The following ABCA13 variants were observed in gnomAD, a reference collection of about 807,000 sequenced individuals.
ABCA13 encodes the protein ATP binding cassette subfamily A member 13, also known as ATP-binding cassette sub-family A member 13.
A neutral mutation model predicts 478.7 loss-of-function variants in ABCA13; 476 were observed. The ratio of observed to expected loss-of-function variants is 0.99; its 90% CI spans 0.92 to 1.07. ABCA13 has a LOEUF of 1.07. Among genes scored for constraint, ABCA13 ranks in the 50% least tolerant of loss-of-function variants. The pLI is 0.00. For synonymous variants in ABCA13, 2,252 were observed against 2,158.9 expected (o/e 1.04, Z -1.20); for missense variants, 6,060 against 5,910.6 (o/e 1.03, Z -0.83).
chr7:48,613,796 G>C (rs1385169626), intron 58 of ABCA13, among the ~76,000 whole-genome samples: 2 of 148,740 alleles, frequency 1.3e-5, no homozygotes, highest in Non-Finnish European at 3.0e-5. Context: ...ATTTTCTCAT[G>C]GGAGTGATAA....
chr7:48,320,990 A>AGT (rs1803366789), intron 27 of ABCA13, among the ~76,000 whole-genome samples: 1 of 152,162 alleles, frequency 6.6e-6, no homozygotes, highest in African/African-American at 2.4e-5. Context: ...CTCCCCTACA[A>AGT]GTGTTATTCC....
At chr7:48,219,159 A>G (rs1786954770) in intron 3 of ABCA13, among the ~76,000 whole-genome samples, 195 bp from the exon 4 acceptor site, 1 of 152,200 alleles carries the variant, frequency 6.6e-6, no homozygotes, top group Non-Finnish European at 1.5e-5. Flanking sequence ...CTAATTTTAA[A>G]TTTGTGAAGA....
intron 51 of ABCA13, among the ~76,000 whole-genome samples, chr7:48,514,446 C>T (rs1171859106): frequency 1.3e-5 from 2 of 152,176 alleles, no homozygotes; most frequent in Non-Finnish European, 2.9e-5. Flanking sequence ...CAATTTGTCA[C>T]GTGCTGTTCC....
At chr7:48,495,614 C>T (rs1429887189) in intron 48 of ABCA13, among the ~76,000 whole-genome samples, 1 of 152,170 alleles carries the variant, frequency 6.6e-6, no homozygotes, top group Non-Finnish European at 1.5e-5. Flanking sequence ...TGAACCTTCA[C>T]TGAAGATCAT....
chr7:48,411,889 G>A (rs1465738091), intron 40 of ABCA13, among the ~76,000 whole-genome samples: 2 of 152,176 alleles, frequency 1.3e-5, no homozygotes, highest in Non-Finnish European at 2.9e-5. Flanking sequence ...CAAGGTTCCT[G>A]TTTGCTTCCT....
intron 20 of ABCA13, among the ~76,000 whole-genome samples, chr7:48,294,669 A>G (rs997696436): frequency 6.6e-6 from 1 of 150,572 alleles, no homozygotes; most frequent in Non-Finnish European, 1.5e-5. Context: ...GATGGTCTCG[A>G]TCTCCTGACC....
chr7:48,182,088 A>G (rs932867076), intron 1 of ABCA13, among the ~76,000 whole-genome samples: 2 of 152,104 alleles, frequency 1.3e-5, no homozygotes, highest in African/African-American at 4.8e-5. Flanking sequence ...TCCATAGAGT[A>G]CCTGCACTCA....
rs1355182323 is a variant in ABCA13, at chr7:48,467,005, A to G, written c.12865A>G (p.Arg4289Gly). The G allele has an allele frequency of 3.7e-6, 6 of 1,613,856 alleles. No individual in the cohort carries two copies. In the African/African-American group the frequency reaches 8.0e-5, roughly 22 times the overall value. ...CACCCGTGTGCTTCTGCGGAAGTTT[A>G]GAGATCAAGATTTGCCCTGTGCAGA... is the stretch of plus-strand genomic sequence containing the variant. ...DLTRVLLRKF[R>G]DQDLPCADLN... Residue 4289 changes from arginine (R) to glycine (G), a missense_variant, in exon 44 of 62, where the codon AGA (arginine) becomes GGA (glycine). Around this residue, in one of 3 missense-constraint regions of ABCA13, gnomAD observed 1,627 missense variants for 1,571.0 expected, o/e 1.04. Transcript: ENST00000435803.
chr7:48,340,708 A>C (rs1807022273), intron 29 of ABCA13, among the ~76,000 whole-genome samples: 1 of 152,206 alleles, frequency 6.6e-6, no homozygotes, highest in South Asian at 2.1e-4. Flanking sequence ...TAGAGTGTGA[A>C]TCGTACCTGA....
intron 31 of ABCA13, among the ~76,000 whole-genome samples, chr7:48,359,093 C>T (rs558148822): frequency 1.6e-4 from 25 of 152,072 alleles, no homozygotes; most frequent in East Asian, 3.9e-4. Context: ...TCAGCTCATA[C>T]GGGGTATTAA....
intron 19 of ABCA13, among the ~76,000 whole-genome samples, chr7:48,286,697 G>GT (rs1210240003): frequency 6.6e-6 from 1 of 152,044 alleles, no homozygotes; most frequent in Admixed American, 6.6e-5. Flanking sequence ...TAGAGACGGG[G>GT]TTTTACCACA....
At chr7:48,411,027 C>CTT (rs1489688324) in intron 40 of ABCA13, among the ~76,000 whole-genome samples, 1 of 115,700 alleles carries the variant, frequency 8.6e-6, no homozygotes, top group South Asian at 2.5e-4. Context: ...TTCTTTCTTT[C>CTT]TTTCTTTCTT....
chr7:48,594,587 A>G, intron 57 of ABCA13, 123 bp from the exon 58 acceptor site: 1 of 788,326 alleles, frequency 1.3e-6, no homozygotes, highest in Non-Finnish European at 2.2e-6. Flanking sequence ...CCAATTGGAG[A>G]GGTGTCTTTT....
chr7:48,520,305 A>C lies in ABCA13; in HGVS notation c.14051+11A>C. ...TCTGCGATGGCCAAGGTGGGTTCTG[A>C]AGGACTCATCCTCGAGCTGCACTTA... is the stretch of plus-strand genomic sequence containing the variant. On this transcript the variant is annotated intron_variant, in intron 53 of 61. Coordinates refer to ENST00000435803, the MANE Select transcript of ABCA13 (RefSeq NM_152701.5). The C allele has an allele frequency of 6.2e-7, 1 of 1,601,032 alleles. No individual in the cohort carries two copies. The highest frequency in any genetic ancestry group is 8.5e-7 in the Non-Finnish European group (1 of 1,171,390).
intron 20 of ABCA13, among the ~76,000 whole-genome samples, chr7:48,288,828 G>C (rs915514814): frequency 6.6e-6 from 1 of 152,098 alleles, no homozygotes; most frequent in African/African-American, 2.4e-5. Flanking sequence ...AGCTGAATCA[G>C]ACAATGTGTC....
chr7:48,436,383 T>C (rs1822832375), intron 42 of ABCA13, among the ~76,000 whole-genome samples: 1 of 151,784 alleles, frequency 6.6e-6, no homozygotes, highest in Admixed American at 6.6e-5. Context: ...CTTTTCTGAC[T>C]TCAGTTATTT....
chr7:48,585,293 G>A (rs1209631041), intron 56 of ABCA13, among the ~76,000 whole-genome samples: 1 of 152,128 alleles, frequency 6.6e-6, no homozygotes, highest in African/African-American at 2.4e-5. Context: ...CAGGAAAAAG[G>A]ATGATTCATA....
intron 49 of ABCA13, 45 bp from the exon 50 acceptor site, chr7:48,507,827 G>A: frequency 1.3e-6 from 2 of 1,529,846 alleles, no homozygotes; most frequent in Non-Finnish European, 8.8e-7. Context: ...AAGAAGGCTT[G>A]TGTTCTTCGT....
Position 48,272,950 on chromosome 7 carries a change from T to C in ABCA13, c.3284T>C (p.Leu1095Ser). ...QFFNSSVEDL[L>S]DNKCLISDNK... is the part of the protein sequence containing the mutation. ...TTCAACAGTTCAGTAGAAGACCTAT[T>C]GGATAATAAATGCTTGATTTCGGAC... The change falls in exon 17 of 62, where the codon TTG (leucine) becomes TCG (serine). Residue 1095 changes from leucine (L) to serine (S), a missense_variant. Physicochemically the swap from Leu to Ser is moderately radical, Grantham distance 145 (BLOSUM62 -2). Coordinates refer to ENST00000435803, the MANE Select transcript of ABCA13 (RefSeq NM_152701.5). The C allele has an allele frequency of 1.2e-6, 2 of 1,613,410 alleles. No homozygotes were observed. The highest frequency in any genetic ancestry group is 1.7e-6 in the Non-Finnish European group (2 of 1,179,590).
Sources: allele counts gnomAD v4.1 joint callset (sites outside exome capture counted in the v4.1 genomes callset), GRCh38; gene constraint gnomAD v4.1.1; regional missense constraint gnomAD v4.1.1; transcripts MANE v1.5; gene names NCBI Gene and HGNC (gene_info 2026-07-23, HGNC 2026-07-21).